RAB11FIP3: variants seen among roughly 807,000 people sequenced by gnomAD.
The protein encoded by RAB11FIP3 is rab11 family-interacting protein 3.
RAB11FIP3 carries 17 observed loss-of-function variants against 77.8 expected under a neutral mutation model. That is an observed-to-expected ratio of 0.22 (90% confidence interval 0.15 to 0.33). The LOEUF is 0.33. Among genes scored for constraint, RAB11FIP3 ranks in the 10% least tolerant of loss-of-function variants. The pLI is 1.00. For missense variants in RAB11FIP3, 1,005 were observed against 1,011.2 expected (o/e 0.99, Z 0.08); for synonymous variants, 437 against 448.2 (o/e 0.98, Z 0.31).
At chr16:454,090 C>T (rs1436057397) in intron 1 of RAB11FIP3, among the ~76,000 whole-genome samples, 1 of 152,098 alleles carries the variant, frequency 6.6e-6, no homozygotes, top group African/African-American at 2.4e-5. Flanking sequence ...CCCAGTAGGA[C>T]CTCATCATTC....
At chr16:492,394 C>CCCGGGAGA in intron 5 of RAB11FIP3, among the ~76,000 whole-genome samples, 1 of 32,120 alleles carries the variant, frequency 3.1e-5, no homozygotes, top group Admixed American at 3.2e-4. Flanking sequence ...CCAGAGCCCT[C>CCCGGGAGA]CCCGGGAGAC....
chr16:491,282 G>A (rs1453409183), intron 5 of RAB11FIP3: 2 of 1,301,954 alleles, frequency 1.5e-6, no homozygotes, highest in East Asian at 5.6e-5. Flanking sequence ...ACTGACCAGC[G>A]CCTGGCCTTG....
At chr16:434,412 C>T (rs1045220253) in intron 1 of RAB11FIP3, among the ~76,000 whole-genome samples, 6 of 151,948 alleles carry the variant, frequency 3.9e-5, no homozygotes, top group Non-Finnish European at 7.3e-5. Flanking sequence ...GCGTGAGCCA[C>T]TGCACCCTGC....
At chr16:451,214 A>T (rs1445454212) in intron 1 of RAB11FIP3, among the ~76,000 whole-genome samples, 1 of 151,956 alleles carries the variant, frequency 6.6e-6, no homozygotes, top group African/African-American at 2.4e-5. Context: ...TGAAGCTGTT[A>T]ACAGAAATAG....
chr16:497,420 G>A (rs1487376201), intron 6 of RAB11FIP3: 4 of 1,255,632 alleles, frequency 3.2e-6, no homozygotes, highest in African/African-American at 1.6e-5. Context: ...ACTCAGTGTG[G>A]CTGCCGGGTG....
intron 1 of RAB11FIP3, among the ~76,000 whole-genome samples, chr16:457,842 C>T (rs1000403088): frequency 6.6e-6 from 1 of 152,266 alleles, no homozygotes; most frequent in Admixed American, 6.5e-5. Context: ...GTCTGGACTC[C>T]GGATTAGGTA....
intron 1 of RAB11FIP3, among the ~76,000 whole-genome samples, chr16:428,170 C>G (rs984177969): frequency 3.3e-5 from 5 of 152,076 alleles, no homozygotes; most frequent in Admixed American, 3.3e-4. Context: ...GCTGAGTTCA[C>G]ATTAAGAAGA....
At chr16:431,529 A>G (rs1028194875) in intron 1 of RAB11FIP3, among the ~76,000 whole-genome samples, 5 of 151,732 alleles carry the variant, frequency 3.3e-5, no homozygotes, top group Non-Finnish European at 7.4e-5. Context: ...ACAGGCGTGC[A>G]ACGCCTGGCT....
At position 482,677 on chromosome 16, in the gene RAB11FIP3, T is replaced by C. The variant is rs1249241835; in HGVS notation, c.1056T>C (p.Ser352=). The C allele has an allele frequency of 1.2e-6, 2 of 1,612,570 alleles. No homozygotes were observed. Among genetic ancestry groups the C allele is most frequent in the East Asian group, 4.5e-5 (2 of 44,850 alleles). The change falls in exon 4 of 14, where the codon TCT becomes TCC. Residue 352 remains serine, a synonymous_variant. Coordinates refer to ENST00000262305, the MANE Select transcript of RAB11FIP3 (RefSeq NM_014700.4). ...GTGCCGGCGGCTCGGCCGTGCCCTC[T>C]GAGTGCCTGGACGCCATGGAGGAGC... ...ADSAGGSAVP[S]ECLDAMEEPD... is the part of the protein sequence containing the mutation.
At chr16:503,651 G>A (rs2031655243) in intron 7 of RAB11FIP3, among the ~76,000 whole-genome samples, 2 of 152,106 alleles carry the variant, frequency 1.3e-5, no homozygotes, top group African/African-American at 4.8e-5. Flanking sequence ...AGGCCTAGGC[G>A]GGCAGATCAC....
chr16:456,824 C>T (rs980293055), intron 1 of RAB11FIP3, among the ~76,000 whole-genome samples: 14 of 152,152 alleles, frequency 9.2e-5, no homozygotes, highest in Admixed American at 4.6e-4. Context: ...TTGTTGGGAA[C>T]AGCAGGGAAA....
intron 6 of RAB11FIP3, among the ~76,000 whole-genome samples, chr16:502,349 C>T (rs773078921): frequency 2.6e-4 from 39 of 152,246 alleles, no homozygotes; most frequent in Non-Finnish European, 4.7e-4. Flanking sequence ...GTCCCCGAGC[C>T]TGGCCCGGGT....
chr16:510,734 G>C lies in RAB11FIP3; in HGVS notation c.1574G>C (p.Arg525Pro). Residue 525 changes from arginine to proline, a missense_variant, in exon 9 of 14, where the codon CGT becomes CCT. This residue lies in a region of RAB11FIP3 where 433 missense variants were observed against 436.1 expected (regional missense o/e 0.99). Transcript: ENST00000262305. Reference sequence around the variant, plus strand: ...GAGATGGTCCTGGAAGAGACCCGGCGTCAGAAGGAGCTCCTGTGCAAGATG... The same window carrying C: ...GAGATGGTCCTGGAAGAGACCCGGCCTCAGAAGGAGCTCCTGTGCAAGATG... ...ACEMVLEETR[R>P]QKELLCKMER... The C allele has an allele frequency of 6.2e-7, 1 of 1,613,272 alleles. No homozygotes were observed. Among genetic ancestry groups the C allele is most frequent in the Non-Finnish European group, 8.5e-7 (1 of 1,179,864 alleles).
At position 471,620 on chromosome 16, in the gene RAB11FIP3, G is replaced by A. The variant is rs1184961703; in HGVS notation, c.903+231G>A. 1.3e-5 allele frequency among the ~76,000 whole-genome samples: 2 copies of A among 152,210 alleles called. No homozygotes were observed. The highest frequency in any genetic ancestry group is 2.9e-5 in the Non-Finnish European group (2 of 68,044). ...CAGGAATCCTCCCCCAGGGCCTGTC[G>A]CCAGCAGAAGTGGGGTGGGCAGTGA... On this transcript the variant is annotated intron_variant, in intron 3 of 13. Transcript: ENST00000262305. The surrounding 1 kb of genome is among the most constrained non-coding windows in gnomAD (Gnocchi z 4.4).
At chr16:473,102 C>T (rs1276058040) in intron 3 of RAB11FIP3, among the ~76,000 whole-genome samples, 2 of 152,158 alleles carry the variant, frequency 1.3e-5, no homozygotes, top group African/African-American at 2.4e-5. Flanking sequence ...TCTTCACGCC[C>T]CGTGGTCTGT....
chr16:474,182 C>A (rs532971379), intron 3 of RAB11FIP3, among the ~76,000 whole-genome samples: 1 of 152,020 alleles, frequency 6.6e-6, no homozygotes, highest in African/African-American at 2.4e-5. Flanking sequence ...ATACCCTATT[C>A]GGGGACCCTC....
At chr16:509,126 A>G (rs2032015172) in intron 8 of RAB11FIP3, among the ~76,000 whole-genome samples, 1 of 151,874 alleles carries the variant, frequency 6.6e-6, no homozygotes, top group African/African-American at 2.4e-5. Context: ...CTGGTCTCGA[A>G]CTCCTGATCT....
intron 2 of RAB11FIP3, among the ~76,000 whole-genome samples, chr16:465,221 A>T (rs73494389): frequency 0.046 from 7,031 of 152,078 alleles, 276 homozygotes; most frequent in East Asian, 0.17. Flanking sequence ...GCAGGCTTCT[A>T]GGTTGATGGT....
At chr16:487,363 C>T (rs1327261463) in intron 4 of RAB11FIP3, among the ~76,000 whole-genome samples, 1 of 152,142 alleles carries the variant, frequency 6.6e-6, no homozygotes, top group Admixed American at 6.6e-5. Context: ...ATCTCCTGAT[C>T]TGCCCGCCTC....
Sources: allele counts gnomAD v4.1 joint callset (sites outside exome capture counted in the v4.1 genomes callset), GRCh38; gene constraint gnomAD v4.1.1; regional missense constraint gnomAD v4.1.1; non-coding constraint Gnocchi (gnomAD v3.1); transcripts MANE v1.5; gene names NCBI Gene and HGNC (gene_info 2026-07-23, HGNC 2026-07-21).